Variants in HPS4 observed in about 807,000 individuals in gnomAD.
HPS4 encodes the protein HPS4 biogenesis of lysosomal organelles complex 3 subunit 2, also known as BLOC-3 complex member HPS4.
HPS4 carries 44 observed loss-of-function variants against 70.3 expected under a neutral mutation model. The ratio of observed to expected loss-of-function variants is 0.63; its 90% confidence interval spans 0.49 to 0.80. The LOEUF (loss-of-function observed/expected upper bound fraction) is 0.80, where lower values mean the gene tolerates loss of function less well. HPS4 is among the 30% of genes least tolerant of loss of function. The pLI is 0.00. For synonymous variants in HPS4, 377 were observed against 355.9 expected (o/e 1.06, Z -0.67); for missense variants, 873 against 884.4 (o/e 0.99, Z 0.16).
At chr22:26,481,081 C>A (rs2091237952) in intron 2 of HPS4, among the ~76,000 whole-genome samples, 1 of 152,096 alleles carries the variant, frequency 6.6e-6, no homozygotes, top group African/African-American at 2.4e-5. Flanking sequence ...GCACCCCATC[C>A]TCCCCTGTCC....
Position 26,470,610 on chromosome 22 carries a change from A to C in HPS4, c.596+109T>G, listed in dbSNP as rs973926809. The C allele has an allele frequency of 3.8e-6, 4 of 1,065,866 alleles. No homozygotes were observed. The African/African-American group carries it at 4.7e-5, about 12-fold the overall frequency. 66.0% of individuals were successfully genotyped at this position (1,065,866 alleles called of 1,614,324 possible). A position where few individuals can be genotyped will look rare whatever the true frequency, so the allele number is the denominator to read the frequency against. ...TACCTGATATTTGCCGAACCAGCCC[A>C]CTTGGAACTGGCCAGAGACTGGGCT... On this transcript the variant is annotated intron_variant, in intron 7 of 13. Coordinates refer to ENST00000398145, the MANE Select transcript of HPS4 (RefSeq NM_022081.6).
At chr22:26,466,009 G>T (rs2146610016) in intron 9 of HPS4, 1 of 1,476,016 alleles carries the variant, frequency 6.8e-7, no homozygotes, top group East Asian at 2.5e-5. Flanking sequence ...AGGAGGGTCT[G>T]AAAGCAGGGA....
Position 26,464,831 on chromosome 22 carries a change from C to A in HPS4, c.804-5G>T, listed in dbSNP as rs1569068367. On this transcript the variant is annotated splice_region_variant and splice_polypyrimidine_tract_variant and intron_variant, in intron 10 of 13. Coordinates refer to ENST00000398145, the MANE Select transcript of HPS4 (RefSeq NM_022081.6). ...CCTGCTGGAGATGCTAGAGACCTGG[C>A]AAACAAGAGAGATGTAAGGAAGGGG... The A allele has an allele frequency of 1.9e-6, 3 of 1,589,832 alleles. No individual in the cohort carries two copies. The highest frequency in any genetic ancestry group is 2.6e-6 in the Non-Finnish European group (3 of 1,171,030).
chr22:26,457,210 CTT>C (rs1555889771), intron 13 of HPS4, among the ~76,000 whole-genome samples: 14 of 25,580 alleles, frequency 5.5e-4, no homozygotes, highest in African/African-American at 7.4e-4. Context: ...GCACGTATTA[CTT>C]TTTTTTTTTT....
exon 4 of HPS4, chr22:26,444,516 T>A (rs1326610634): frequency 6.6e-6 from 1 of 152,216 alleles, no homozygotes; most frequent in Non-Finnish European, 1.5e-5. Flanking sequence ...ATAGCCTGTG[T>A]TAGCTGATGT....
At chr22:26,466,063 G>T (rs2088528716) in intron 9 of HPS4, 163 bp downstream of exon 9, 1 of 1,554,730 alleles carries the variant, frequency 6.4e-7, no homozygotes, top group Non-Finnish European at 8.7e-7. Context: ...TTAGGGTTCT[G>T]GTGGGTAACT....
intron 7 of HPS4, 23 bp downstream of exon 7, chr22:26,470,696 G>A: frequency 2.5e-6 from 4 of 1,609,672 alleles, no homozygotes; most frequent in Non-Finnish European, 3.4e-6. Context: ...GGGGCTGGAA[G>A]AAAGGGGTCT....
intron 4 of HPS4, among the ~76,000 whole-genome samples, chr22:26,473,677 A>C (rs1220156697): frequency 6.6e-6 from 1 of 152,062 alleles, no homozygotes; most frequent in African/African-American, 2.4e-5. Context: ...TGGGAGGCAG[A>C]GGTTGCAGCG....
At chr22:26,445,716 C>T (rs1265966807) in intron 3 of HPS4, among the ~76,000 whole-genome samples, 2 of 152,124 alleles carry the variant, frequency 1.3e-5, no homozygotes, top group Non-Finnish European at 2.9e-5. Flanking sequence ...CTTTCTGCCA[C>T]AGCTGAGTAG....
At chr22:26,454,734 A>G (rs972913475) in intron 13 of HPS4, among the ~76,000 whole-genome samples, 18 of 152,254 alleles carry the variant, frequency 1.2e-4, no homozygotes, top group Non-Finnish European at 2.2e-4. Flanking sequence ...GACAAATGGG[A>G]TCTAATTAAA....
Position 26,483,719 on chromosome 22 carries a change from CAGAAATGTGGG to C in HPS4, c.-535_-525del. ...GTGCTCGGGGTTCGGGACTCTGGAC[CAGAAATGTGGG>C]CAGCAGCTGGGTACCTGCGACTTCT... On this transcript the variant is annotated 5_prime_UTR_variant, in exon 1 of 14. Transcript: ENST00000398145. 1 of 433,956 alleles carries C rather than the reference CAGAAATGTGGG, an allele frequency of 2.3e-6. No individual in the cohort carries two copies. The highest frequency in any genetic ancestry group is 7.8e-5 in the South Asian group (1 of 12,816). 26.9% of individuals were successfully genotyped at this position (433,956 alleles called of 1,614,324 possible).
intron 6 of HPS4, among the ~76,000 whole-genome samples, chr22:26,471,690 C>A (rs1326170852): frequency 6.6e-6 from 1 of 152,158 alleles, no homozygotes; most frequent in Non-Finnish European, 1.5e-5. Context: ...AAGGCTGAGC[C>A]ACAGTGCTAC....
chr22:26,466,360 G>C, intron 8 of HPS4, 98 bp from the exon 9 acceptor site: 1 of 1,365,962 alleles, frequency 7.3e-7, no homozygotes, highest in South Asian at 1.2e-5. Context: ...ATAAAACTTA[G>C]CCAGGCCCAG....
In HPS4 at chr22:26,464,343, A is replaced by G. The variant is rs1441828563; in HGVS notation, c.1287T>C (p.Ser429=). Residue 429 remains serine (S), a synonymous_variant, in exon 11 of 14, where the codon TCT becomes TCC. Transcript: ENST00000398145. ...DTAISSLRPP[S]APEMLTQHGA... is the part of the protein sequence containing the mutation. ...CATGCTGGGTCAGCATCTCAGGAGCAGAGGGAGGGCGCAAGCTGCTGATGG... is the reference window on the plus strand; with the variant it reads ...CATGCTGGGTCAGCATCTCAGGAGCGGAGGGAGGGCGCAAGCTGCTGATGG... 6.2e-7 allele frequency: 1 copy of G among 1,614,004 alleles called. No homozygotes were observed. Among genetic ancestry groups the G allele is most frequent in the Non-Finnish European group, 8.5e-7 (1 of 1,180,034 alleles).
chr22:26,472,142 A>T (rs1027229823), intron 6 of HPS4, among the ~76,000 whole-genome samples, 160 bp downstream of exon 6: 5 of 152,228 alleles, frequency 3.3e-5, no homozygotes, highest in African/African-American at 1.2e-4. Flanking sequence ...TCTTTGGATA[A>T]GGGAAATGAG....
chr22:26,456,329 G>C (rs554172408), intron 13 of HPS4, among the ~76,000 whole-genome samples: 1 of 152,320 alleles, frequency 6.6e-6, no homozygotes, highest in African/African-American at 2.4e-5. Flanking sequence ...TATCCTATTT[G>C]TGCTTCAATT....
intron 9 of HPS4, chr22:26,465,883 T>C: frequency 1.7e-6 from 1 of 575,292 alleles, no homozygotes; most frequent in Non-Finnish European, 3.1e-6. Context: ...GAAATAACTC[T>C]CCTGAGGACG....
downstream of HPS4, among the ~76,000 whole-genome samples, chr22:26,446,251 A>T (rs1422599910): frequency 1.3e-5 from 2 of 148,298 alleles, no homozygotes; most frequent in Admixed American, 6.6e-5. Context: ...CTATTTGTAG[A>T]AGGTCACACC....
downstream of HPS4, among the ~76,000 whole-genome samples, chr22:26,450,785 C>T (rs758961283): frequency 9.9e-5 from 15 of 152,204 alleles, no homozygotes; most frequent in Non-Finnish European, 1.9e-4. Flanking sequence ...TTTGCTGCCA[C>T]CATGTGAAGA....
Sources: allele counts gnomAD v4.1 joint callset (sites outside exome capture counted in the v4.1 genomes callset), GRCh38; gene constraint gnomAD v4.1.1; transcripts MANE v1.5; gene names NCBI Gene and HGNC (gene_info 2026-07-23, HGNC 2026-07-21).